The following TOGARAM2 variants were observed in gnomAD, a reference collection of about 807,000 sequenced individuals.
TOGARAM2 encodes the protein TOG array regulator of axonemal microtubules protein 2.
In TOGARAM2, 85 loss-of-function variants were observed where a neutral mutation model predicts 93.3. The observed-to-expected ratio is 0.91, with a 90% CI of 0.76 to 1.09. The LOEUF (loss-of-function observed/expected upper bound fraction) is 1.09, where lower values mean the gene tolerates loss of function less well. Ranked by LOEUF, TOGARAM2 falls within the 50% of genes least tolerant of loss-of-function variation. TOGARAM2 has a pLI of 0.00. For missense variants in TOGARAM2, 1,277 were observed against 1,334.5 expected (o/e 0.96, Z 0.67); for synonymous variants, 593 against 552.8 (o/e 1.07, Z -1.02).
At chr2:29,051,486 C>T (rs1239305189) in intron 19 of TOGARAM2, 6 of 296,614 alleles carry the variant, frequency 2.0e-5, no homozygotes, top group Non-Finnish European at 3.1e-5. Context: ...TTTGCGTGCC[C>T]CTTTCTCCAT....
intron 1 of TOGARAM2, among the ~76,000 whole-genome samples, chr2:28,965,694 G>A (rs556684694): frequency 1.3e-5 from 2 of 152,320 alleles, no homozygotes; most frequent in African/African-American, 4.8e-5. Context: ...GACTTTTGGT[G>A]TTTTTTAAGC....
intron 6 of TOGARAM2, among the ~76,000 whole-genome samples, chr2:29,010,889 C>A (rs1393136667): frequency 2.0e-5 from 3 of 152,162 alleles, no homozygotes; most frequent in Non-Finnish European, 4.4e-5. Context: ...CTGTCTTCCC[C>A]CTCCTGTGGG....
rs756661191 is a variant in TOGARAM2 at position 29,022,351 on chromosome 2, CA to C, written c.1511+44del. ...CCACGTGCTGTGTTCTGGCCGGAAG[CA>C]GGGGCTGTTGCAGAATAGCTTCTGC... is the stretch of plus-strand genomic sequence containing the variant. On this transcript the variant is annotated intron_variant, in intron 11 of 19. Coordinates refer to ENST00000379558, the MANE Select transcript of TOGARAM2 (RefSeq NM_199280.4). 3.1e-6 allele frequency: 5 copies of C among 1,606,624 alleles called. No individual in the cohort carries two copies. In the South Asian group the frequency reaches 5.5e-5, roughly 18 times the overall value.
At chr2:29,009,330 A>T (rs897647613) in intron 6 of TOGARAM2, among the ~76,000 whole-genome samples, 1 of 152,210 alleles carries the variant, frequency 6.6e-6, no homozygotes, top group Non-Finnish European at 1.5e-5. Flanking sequence ...TGGGAGCTTC[A>T]TCCTCCTGTA....
chr2:28,965,614 G>A (rs1156873052), intron 1 of TOGARAM2, among the ~76,000 whole-genome samples: 5 of 152,152 alleles, frequency 3.3e-5, no homozygotes, highest in African/African-American at 1.2e-4. Flanking sequence ...CTCTTTGCCT[G>A]GCTTCCTGGA....
intron 1 of TOGARAM2, among the ~76,000 whole-genome samples, chr2:28,965,232 T>G (rs1671851714): frequency 6.6e-6 from 1 of 152,218 alleles, no homozygotes; most frequent in African/African-American, 2.4e-5. Context: ...TCCTGTTAAT[T>G]GGAATGTTTA....
intron 1 of TOGARAM2, among the ~76,000 whole-genome samples, chr2:28,958,124 G>A (rs934029183): frequency 3.3e-5 from 5 of 152,144 alleles, no homozygotes; most frequent in South Asian, 4.1e-4. Flanking sequence ...AAATAGGTCC[G>A]TTCTAGAAAT....
chr2:29,037,326 C>G (rs1052173458), intron 18 of TOGARAM2, among the ~76,000 whole-genome samples: 1 of 152,238 alleles, frequency 6.6e-6, no homozygotes, highest in African/African-American at 2.4e-5. Context: ...GTACGTGGAC[C>G]AAAGTGCAAA....
intron 2 of TOGARAM2, 70 bp downstream of exon 2, chr2:28,994,932 A>C: frequency 6.5e-7 from 1 of 1,532,150 alleles, no homozygotes; most frequent in Admixed American, 2.0e-5. Context: ...GACACTCCCA[A>C]GGGCCAGAAA....
chr2:29,005,357 C>T (rs962895137), intron 6 of TOGARAM2, among the ~76,000 whole-genome samples: 6 of 100,854 alleles, frequency 5.9e-5, no homozygotes, highest in Admixed American at 3.6e-4. Context: ...ATGTGTGGAG[C>T]GTATGTGTGA....
intron 2 of TOGARAM2, among the ~76,000 whole-genome samples, chr2:28,997,313 A>G (rs1673040289): frequency 6.6e-6 from 1 of 152,248 alleles, no homozygotes; most frequent in African/African-American, 2.4e-5. Flanking sequence ...AAAGGAGCGC[A>G]TGCCTTAGCT....
intron 1 of TOGARAM2, among the ~76,000 whole-genome samples, chr2:28,983,177 A>AATATATATATATATATATAT (rs1553334840): frequency 3.1e-5 from 1 of 32,392 alleles, no homozygotes; most frequent in Non-Finnish European, 5.3e-5. Flanking sequence ...TGTATATATA[A>AATATATATATATATATATAT]ATATATATAT....
chr2:28,974,555 C>T (rs1671998343), intron 1 of TOGARAM2, among the ~76,000 whole-genome samples: 1 of 152,116 alleles, frequency 6.6e-6, no homozygotes, highest in Non-Finnish European at 1.5e-5. Context: ...GAACTCCAGT[C>T]ATACAAATGT....
chr2:28,978,796 A>G (rs185941368), upstream of TOGARAM2, among the ~76,000 whole-genome samples: 51 of 152,132 alleles, frequency 3.4e-4, no homozygotes, highest in African/African-American at 1.0e-3. Flanking sequence ...CACACCCAGG[A>G]GAGTCGGGGC....
rs1376583194 is a variant in TOGARAM2 at position 29,017,793 on chromosome 2, C to T, written c.1197C>T (p.Gly399=). The T allele has an allele frequency of 3.1e-6, 5 of 1,606,484 alleles. No individual in the cohort carries two copies. The highest frequency in any genetic ancestry group is 2.7e-5 in the African/African-American group (2 of 74,684). Residue 399 remains glycine, a splice_region_variant and synonymous_variant, in exon 10 of 20, where the codon GGC becomes GGT. Transcript: ENST00000379558. ...LGSQRAFMKE[G]LLPLRGSGTL... ...CTAGGACTTTCTCTGTGTCCACAGGCCTCCTTCCCCTCCGGGGCAGCGGGA... is the reference window on the plus strand; with the variant it reads ...CTAGGACTTTCTCTGTGTCCACAGGTCTCCTTCCCCTCCGGGGCAGCGGGA...
At position 28,981,511 on chromosome 2, in the gene TOGARAM2, G is replaced by A. The variant is rs539687586; in HGVS notation, c.-138G>A. On this transcript the variant is annotated 5_prime_UTR_variant, in exon 1 of 20. It removes the in-frame stop codon of an upstream open reading frame in the 5' UTR. Coordinates refer to ENST00000379558, the MANE Select transcript of TOGARAM2 (RefSeq NM_199280.4). ...ACCAAGGACCCTGGATTCCTCCAGT[G>A]ACAGGGGTTTGGCCTCTGGACAGAG... 1 of 152,498 alleles carries A rather than the reference G, an allele frequency of 6.6e-6. No individual in the cohort carries two copies. Among genetic ancestry groups the A allele is most frequent in the South Asian group, 2.1e-4 (1 of 4,836 alleles). 9.4% of individuals were successfully genotyped at this position (152,498 alleles called of 1,614,324 possible).
intron 5 of TOGARAM2, 110 bp from the exon 6 acceptor site, chr2:29,003,382 G>T (rs1197276516): frequency 3.4e-6 from 3 of 894,898 alleles, no homozygotes; most frequent in Non-Finnish European, 4.7e-6. Context: ...TCCCAGGGTG[G>T]TGTGGCTGAA....
chr2:28,981,308 G>A lies in TOGARAM2; in HGVS notation c.-341G>A, dbSNP rs1285068816. ...TTGCTATGCAGCCTTGTTTATTCAA[G>A]GAGAGCTTTGCTGAGAGCTGGAGCA... is the stretch of plus-strand genomic sequence containing the variant. On this transcript the variant is annotated 5_prime_UTR_variant, in exon 1 of 20. Coordinates refer to ENST00000379558, the MANE Select transcript of TOGARAM2 (RefSeq NM_199280.4). The A allele has an allele frequency of 6.6e-6, 1 of 152,296 alleles. No individual in the cohort carries two copies. The highest frequency in any genetic ancestry group is 2.4e-5 in the African/African-American group (1 of 41,462). The allele number at this position is 152,296 out of a possible 1,614,324, so 9.4% of individuals were successfully genotyped here.
chr2:29,020,551 G>A (rs1664874312), intron 10 of TOGARAM2, among the ~76,000 whole-genome samples: 1 of 152,202 alleles, frequency 6.6e-6, no homozygotes, highest in South Asian at 2.1e-4. Context: ...CAAAGGGGGA[G>A]GCCACACAAG....
Sources: gnomAD v4.1 joint callset for allele counts (sites outside exome capture counted in the v4.1 genomes callset) on GRCh38, gnomAD v4.1.1 for gene constraint, MANE v1.5 for transcripts, NCBI Gene and HGNC (gene_info 2026-07-23, HGNC 2026-07-21) for gene names.